The following SAMD12 variants were observed in gnomAD, a reference collection of about 807,000 sequenced individuals.
SAMD12 encodes sterile alpha motif domain-containing protein 12.
A neutral mutation model predicts 15.0 loss-of-function variants in SAMD12; 9 were observed. The observed-to-expected ratio is 0.60, with a 90% CI of 0.36 to 1.05. The LOEUF is 1.05. SAMD12 is among the 50% of genes least tolerant of loss of function. SAMD12 has a pLI of 0.01. For synonymous variants in SAMD12, 86 were observed against 90.1 expected, an observed-to-expected ratio of 0.96 and a Z score of 0.25; for missense variants, 230 against 234.2, an observed-to-expected ratio of 0.98 and a Z score of 0.12.
At chr8:118,414,811 A>C (rs1821599566) in intron 3 of SAMD12, among the ~76,000 whole-genome samples, 1 of 152,206 alleles carries the variant, frequency 6.6e-6, no homozygotes, top group East Asian at 1.9e-4. Flanking sequence ...TGTTCTCCTG[A>C]CCTAGTGGCG....
At chr8:118,197,694 G>T in exon 5 of SAMD12, 1 of 1,610,920 alleles carries the variant, frequency 6.2e-7, no homozygotes, top group Non-Finnish European at 8.5e-7. Flanking sequence ...ACAGCAGCTT[G>T]GAAGGCTAAC....
intron 4 of SAMD12, among the ~76,000 whole-genome samples, chr8:118,335,593 C>T (rs188121983): frequency 2.6e-5 from 4 of 152,224 alleles, no homozygotes; most frequent in Non-Finnish European, 4.4e-5. Flanking sequence ...AAGTGTGTGC[C>T]GAATCTTTCA....
chr8:118,543,288 C>T (rs1826034657), intron 2 of SAMD12, among the ~76,000 whole-genome samples: 1 of 152,142 alleles, frequency 6.6e-6, no homozygotes, highest in South Asian at 2.1e-4. Context: ...GCCAATTAAA[C>T]CTCTTTGTGT....
intron 2 of SAMD12, among the ~76,000 whole-genome samples, chr8:118,440,697 A>AAC (rs376107717): frequency 0.016 from 817 of 52,396 alleles, 8 homozygotes; most frequent in African/African-American, 0.044. Flanking sequence ...CACACACACA[A>AAC]ACACACACAC....
intron 4 of SAMD12, chr8:118,288,430 A>G (rs1161920681): frequency 2.0e-5 from 3 of 152,176 alleles, no homozygotes; most frequent in African/African-American, 7.2e-5. Flanking sequence ...TGATTGCCTT[A>G]CACACTCTTC....
the SAMD12 span, among the ~76,000 whole-genome samples, chr8:118,156,404 G>C: frequency 6.6e-6 from 1 of 152,112 alleles, no homozygotes; most frequent in African/African-American, 2.4e-5. Context: ...ATTTTCTGTG[G>C]GTGGAAGGAT....
At chr8:118,506,255 T>C (rs550065323) in intron 2 of SAMD12, among the ~76,000 whole-genome samples, 7 of 152,354 alleles carry the variant, frequency 4.6e-5, no homozygotes, top group Admixed American at 3.3e-4. Context: ...TGGTTTTGCA[T>C]TGTTATCTTT....
At chr8:118,441,176 G>A (rs1302135991) in intron 2 of SAMD12, among the ~76,000 whole-genome samples, 3 of 152,100 alleles carry the variant, frequency 2.0e-5, no homozygotes, top group African/African-American at 7.2e-5. Flanking sequence ...TTAAAAAAAG[G>A]TAGTATATCT....
downstream of SAMD12, among the ~76,000 whole-genome samples, chr8:118,184,506 T>TC (rs1819210228): frequency 6.6e-6 from 1 of 152,076 alleles, no homozygotes; most frequent in South Asian, 2.1e-4. Context: ...TTTCTTTCTT[T>TC]TTTTTCTGAG....
chr8:118,353,118 C>G (rs896036200), intron 4 of SAMD12, among the ~76,000 whole-genome samples: 1 of 151,378 alleles, frequency 6.6e-6, no homozygotes, highest in Non-Finnish European at 1.5e-5. Flanking sequence ...TGTATATACA[C>G]TACTAAATAC....
intron 3 of SAMD12, among the ~76,000 whole-genome samples, chr8:118,425,025 GC>G (rs1311733239): frequency 6.7e-6 from 1 of 149,566 alleles, no homozygotes; most frequent in Non-Finnish European, 1.5e-5. Flanking sequence ...TGCAAGCTCT[GC>G]CTCCTGGGTT....
chr8:118,237,655 G>A (rs1812465204), intron 4 of SAMD12, among the ~76,000 whole-genome samples: 1 of 152,158 alleles, frequency 6.6e-6, no homozygotes, highest in Non-Finnish European at 1.5e-5. Context: ...GCAGAAGGCT[G>A]GAAAGCCATT....
At chr8:118,455,542 A>G (rs1823221225) in intron 2 of SAMD12, among the ~76,000 whole-genome samples, 1 of 152,120 alleles carries the variant, frequency 6.6e-6, no homozygotes, top group Admixed American at 6.5e-5. Context: ...CTCCTGGGGT[A>G]GTTTCAAGTC....
At chr8:118,375,339 C>G (rs1307039454), downstream of SAMD12, among the ~76,000 whole-genome samples, 3 of 152,124 alleles carry the variant, frequency 2.0e-5, no homozygotes, top group Admixed American at 1.3e-4. Flanking sequence ...ACCTCTTCAT[C>G]CTCTCTTATA....
chr8:118,134,091 T>C, the SAMD12 span, among the ~76,000 whole-genome samples: 3 of 152,200 alleles, frequency 2.0e-5, no homozygotes, highest in Non-Finnish European at 4.4e-5. Context: ...GAAATTGGCT[T>C]TGGTTTTATG....
intron 2 of SAMD12, among the ~76,000 whole-genome samples, chr8:118,442,771 G>A (rs2130895751): frequency 6.6e-6 from 1 of 152,264 alleles, no homozygotes; most frequent in Middle Eastern, 3.4e-3. Flanking sequence ...ACTCTTGCAA[G>A]TAAAGCTAAT....
rs78996902 is a variant in SAMD12 at position 118,460,034 on chromosome 8, G to A, written c.193-20073C>T. 4.6e-3 allele frequency among the ~76,000 whole-genome samples: 700 copies of A among 152,280 alleles called. 5 individuals are homozygous for A. The highest frequency in any genetic ancestry group is 0.016 in the African/African-American group (664 of 41,556). ...TCTATTTTAAAATGAGGTGGTTAGG[G>A]TCACTTCCTATCACAACTACACATT... On this transcript the variant is annotated intron_variant, in intron 2 of 3. Transcript: ENST00000314727.
chr8:118,564,190 C>A (rs953179321), intron 2 of SAMD12, among the ~76,000 whole-genome samples: 1 of 151,756 alleles, frequency 6.6e-6, no homozygotes, highest in Non-Finnish European at 1.5e-5. Flanking sequence ...CCATCCCCCC[C>A]TCACCCCCCG....
At chr8:118,149,251 G>A in the SAMD12 span, among the ~76,000 whole-genome samples, 7 of 152,168 alleles carry the variant, frequency 4.6e-5, no homozygotes, top group Non-Finnish European at 8.8e-5. Context: ...ACAGGCATGA[G>A]CCCATTAGCA....
Sources: gnomAD v4.1 joint callset for allele counts (sites outside exome capture counted in the v4.1 genomes callset) on GRCh38, gnomAD v4.1.1 for gene constraint, MANE v1.5 for transcripts, NCBI Gene and HGNC (gene_info 2026-07-23, HGNC 2026-07-21) for gene names.